Variants in TBCK observed in about 807,000 individuals in gnomAD.
TBCK encodes TBC domain-containing protein kinase-like protein.
In TBCK, 99 loss-of-function variants were observed where a neutral mutation model predicts 113.4. The ratio of observed to expected loss-of-function variants is 0.87; its 90% confidence interval spans 0.74 to 1.03. The LOEUF (loss-of-function observed/expected upper bound fraction) is 1.03, where lower values mean the gene tolerates loss of function less well. Among genes scored for constraint, TBCK ranks in the 50% least tolerant of loss-of-function variants. The probability of loss-of-function intolerance (pLI) is 0.00; values close to 1 mark genes in which losing one functional copy is unlikely to be tolerated. For synonymous variants in TBCK, 369 were observed against 370.8 expected, an observed-to-expected ratio of 1.00 and a Z score of 0.05; for missense variants, 1,045 against 1,061.3, an observed-to-expected ratio of 0.98 and a Z score of 0.21.
At chr4:106,144,658 C>T (rs1005708579) in intron 23 of TBCK, among the ~76,000 whole-genome samples, 11 of 152,192 alleles carry the variant, frequency 7.2e-5, no homozygotes, top group Admixed American at 1.3e-4. Flanking sequence ...AAATGATTAT[C>T]TTTCTTTTGG....
At chr4:106,198,281 T>C (rs1579209996) in intron 20 of TBCK, among the ~76,000 whole-genome samples, 1 of 152,170 alleles carries the variant, frequency 6.6e-6, no homozygotes, top group Non-Finnish European at 1.5e-5. Flanking sequence ...AGAGATGGTG[T>C]GATGTGGAAA....
chr4:106,215,249 C>A (rs769941733), intron 19 of TBCK, among the ~76,000 whole-genome samples: 1 of 151,880 alleles, frequency 6.6e-6, no homozygotes, highest in Non-Finnish European at 1.5e-5. Flanking sequence ...CGGTACCAGC[C>A]GCTGCAAAAT....
At chr4:106,233,144 A>C in intron 16 of TBCK, 80 bp from the exon 17 acceptor site, 1 of 1,310,818 alleles carries the variant, frequency 7.6e-7, no homozygotes, top group Non-Finnish European at 1.0e-6. Context: ...TCATTAAATA[A>C]GGAAAAGGAG....
At position 106,295,172 on chromosome 4, in the gene TBCK, A is replaced by C. The variant is rs1462618056; in HGVS notation, c.194-6T>G. ...AGCCACGACCACTAGTCGTTCTGAG[A>C]AAAACAAAGCAAACCCATGTTATAT... On this transcript the variant is annotated splice_polypyrimidine_tract_variant and splice_region_variant and intron_variant, in intron 2 of 25. Coordinates refer to ENST00000394708, the MANE Select transcript of TBCK (RefSeq NM_001163435.3). The C allele has an allele frequency of 9.3e-6, 15 of 1,609,796 alleles. No homozygotes were observed. Among genetic ancestry groups the C allele is most frequent in the Non-Finnish European group, 1.2e-5 (14 of 1,178,640 alleles).
At chr4:106,122,305 C>T (rs1744512902) in intron 23 of TBCK, among the ~76,000 whole-genome samples, 1 of 152,162 alleles carries the variant, frequency 6.6e-6, no homozygotes, top group African/African-American at 2.4e-5. Flanking sequence ...GACACATACA[C>T]TCTCCCAAGA....
At chr4:106,123,688 A>G (rs1744756009) in intron 23 of TBCK, among the ~76,000 whole-genome samples, 1 of 152,130 alleles carries the variant, frequency 6.6e-6, no homozygotes, top group Non-Finnish European at 1.5e-5. Flanking sequence ...GCCCTCAGAA[A>G]TAACGTCGCA....
At chr4:106,295,569 C>T (rs1027769089) in intron 2 of TBCK, among the ~76,000 whole-genome samples, 2 of 152,072 alleles carry the variant, frequency 1.3e-5, no homozygotes, top group Admixed American at 6.5e-5. Context: ...GTTTTAAACA[C>T]AGACCTTTGA....
In TBCK at chr4:106,141,002, T is replaced by C. The variant is rs576233403; in HGVS notation, c.2236-24624A>G. Among the ~76,000 whole-genome samples the C allele has an allele frequency of 2.6e-4, 37 of 140,612 alleles. 5 individuals carry two copies. In the South Asian group the frequency reaches 8.9e-3, roughly 34 times the overall value. The allele number at this position is 140,612 out of a possible 152,430, so 92.2% of individuals were successfully genotyped here. Reference sequence around the variant, plus strand: ...TATTGAATACCAGACAGTGTGTTGATAAGATATATGATAAAACTCTCAAGA... The same window carrying C: ...TATTGAATACCAGACAGTGTGTTGACAAGATATATGATAAAACTCTCAAGA... On this transcript the variant is annotated intron_variant, in intron 23 of 25. Transcript: ENST00000394708.
chr4:106,302,405 GA>G (rs1457199943), intron 2 of TBCK, among the ~76,000 whole-genome samples: 1 of 152,152 alleles, frequency 6.6e-6, no homozygotes, highest in Non-Finnish European at 1.5e-5. Flanking sequence ...GGAAAATAAG[GA>G]AGAATACTCC....
intron 25 of TBCK, among the ~76,000 whole-genome samples, chr4:106,071,621 G>A (rs1737462025): frequency 6.6e-6 from 1 of 152,156 alleles, no homozygotes; most frequent in Non-Finnish European, 1.5e-5. Context: ...GGTGTGCTTG[G>A]TGCAGAGGTG....
At position 106,068,988 on chromosome 4, in the gene TBCK, G is replaced by T. The variant is rs539552164; in HGVS notation, c.2572-22308C>A. On this transcript the variant is annotated intron_variant, in intron 25 of 25. Transcript: ENST00000394708. ...TGTCCTTCGCCCACTTTTTGATGGG[G>T]TTGTTTGATTTTTTCTTGTAAATTT... 3.3e-5 allele frequency among the ~76,000 whole-genome samples: 5 copies of T among 151,014 alleles called. No homozygotes were observed. The East Asian group carries it at 9.8e-4, about 30-fold the overall frequency.
In TBCK at chr4:106,290,206, T is replaced by C. The variant is rs372125730; in HGVS notation, c.266+4888A>G. 2.2e-4 allele frequency among the ~76,000 whole-genome samples: 33 copies of C among 152,142 alleles called. No individual in the cohort carries two copies. In the East Asian group the frequency reaches 2.9e-3, roughly 13 times the overall value. On this transcript the variant is annotated intron_variant, in intron 3 of 25. Coordinates refer to ENST00000394708, the MANE Select transcript of TBCK (RefSeq NM_001163435.3). ...TTATTTATTTATTTAGAGATGGAGT[T>C]TCACTCTGTTGCCCAGGCTGGAGTG...
intron 25 of TBCK, among the ~76,000 whole-genome samples, chr4:106,075,383 T>A (rs1738058847): frequency 6.6e-6 from 1 of 152,196 alleles, no homozygotes; most frequent in Non-Finnish European, 1.5e-5. Context: ...ATGGAGGACG[T>A]GAAGAAGAAA....
At chr4:106,230,725 C>T (rs774017975) in intron 18 of TBCK, among the ~76,000 whole-genome samples, 4 of 151,852 alleles carry the variant, frequency 2.6e-5, no homozygotes, top group African/African-American at 7.2e-5. Context: ...ATTACCTAAA[C>T]GTTGTTTCTT....
chr4:106,273,547 T>A (rs1763721842), intron 3 of TBCK, among the ~76,000 whole-genome samples: 2 of 152,214 alleles, frequency 1.3e-5, no homozygotes, highest in Non-Finnish European at 2.9e-5. Context: ...TTACCTTATT[T>A]GGAAAAAGGG....
At chr4:106,232,610 A>G (rs982740756) in intron 17 of TBCK, among the ~76,000 whole-genome samples, 1 of 151,988 alleles carries the variant, frequency 6.6e-6, no homozygotes, top group African/African-American at 2.4e-5. Flanking sequence ...ATCATTAACT[A>G]TAAGAATCTC....
At chr4:106,078,634 G>C (rs1738503570) in intron 25 of TBCK, among the ~76,000 whole-genome samples, 1 of 151,758 alleles carries the variant, frequency 6.6e-6, no homozygotes, top group Non-Finnish European at 1.5e-5. Context: ...TATTGAATCA[G>C]TAATAAAAAG....
chr4:106,119,407 A>C (rs1277100610), intron 23 of TBCK, among the ~76,000 whole-genome samples: 1 of 152,160 alleles, frequency 6.6e-6, no homozygotes, highest in Non-Finnish European at 1.5e-5. Flanking sequence ...AACTTTCAGT[A>C]GGGGAAAGGA....
At chr4:106,195,696 TC>T (rs1754154401) in intron 20 of TBCK, among the ~76,000 whole-genome samples, 2 of 151,970 alleles carry the variant, frequency 1.3e-5, no homozygotes, top group South Asian at 4.2e-4. Context: ...CATCTAATCT[TC>T]CCCTGCCTTT....
Sources: allele counts gnomAD v4.1 joint callset (sites outside exome capture counted in the v4.1 genomes callset), GRCh38; gene constraint gnomAD v4.1.1; transcripts MANE v1.5; gene names NCBI Gene and HGNC (gene_info 2026-07-23, HGNC 2026-07-21).